The following ADAMTSL1 variants were observed in gnomAD, a reference collection of about 807,000 sequenced individuals.
ADAMTSL1 encodes the protein ADAMTS-like protein 1.
ADAMTSL1 carries 126 observed loss-of-function variants against 201.8 expected under a neutral mutation model. The observed-to-expected ratio is 0.62, with a 90% CI of 0.54 to 0.72. The LOEUF is 0.72. Among genes scored for constraint, ADAMTSL1 ranks in the 30% least tolerant of loss-of-function variants. ADAMTSL1 has a pLI of 0.00. For synonymous variants in ADAMTSL1, 1,121 were observed against 903.4 expected, an observed-to-expected ratio of 1.24 and a Z score of -4.32; for missense variants, 2,679 against 2,277.8, an observed-to-expected ratio of 1.18 and a Z score of -3.59.
chr9:18,330,100 A>G (rs1834972223), intron 2 of ADAMTSL1, among the ~76,000 whole-genome samples: 1 of 152,190 alleles, frequency 6.6e-6, no homozygotes, highest in African/African-American at 2.4e-5. Flanking sequence ...TTAAATGTAA[A>G]ACATAACCCA....
At chr9:18,297,509 A>G (rs1366125928) in intron 2 of ADAMTSL1, among the ~76,000 whole-genome samples, 1 of 152,206 alleles carries the variant, frequency 6.6e-6, no homozygotes, top group Non-Finnish European at 1.5e-5. Flanking sequence ...GCCCCAAGGC[A>G]TCATGAACTG....
chr9:18,010,281 A>G (rs1392584489), intron 1 of ADAMTSL1, among the ~76,000 whole-genome samples: 1 of 152,052 alleles, frequency 6.6e-6, no homozygotes, highest in Admixed American at 6.6e-5. Context: ...AAAACTTAGC[A>G]AACAATAACA....
intron 1 of ADAMTSL1, among the ~76,000 whole-genome samples, chr9:18,490,120 A>G (rs1468833758): frequency 6.6e-6 from 1 of 152,212 alleles, no homozygotes; most frequent in Non-Finnish European, 1.5e-5. Context: ...TCTTATGTTC[A>G]GCTGTTTTAC....
At chr9:18,592,655 T>C (rs909998178) in intron 4 of ADAMTSL1, among the ~76,000 whole-genome samples, 2 of 152,220 alleles carry the variant, frequency 1.3e-5, no homozygotes, top group African/African-American at 4.8e-5. Flanking sequence ...TCAGATAATG[T>C]GATTCCTCAG....
intron 1 of ADAMTSL1, among the ~76,000 whole-genome samples, chr9:17,945,824 G>A (rs1588458264): frequency 9.2e-6 from 1 of 108,136 alleles, no homozygotes; most frequent in East Asian, 3.4e-4. Context: ...TGTGGGGTGG[G>A]GGGAGGGGGG....
At chr9:18,024,276 T>C (rs990159128) in intron 1 of ADAMTSL1, among the ~76,000 whole-genome samples, 4 of 152,146 alleles carry the variant, frequency 2.6e-5, no homozygotes, top group African/African-American at 9.7e-5. Flanking sequence ...TTGCAACTTT[T>C]ATTTTAGCTT....
intron 20 of ADAMTSL1, among the ~76,000 whole-genome samples, chr9:18,815,048 CA>C (rs1167429624): frequency 6.6e-6 from 1 of 151,946 alleles, no homozygotes; most frequent in East Asian, 1.9e-4. Flanking sequence ...ATCAAAAAGA[CA>C]AAAAATAGCA....
Position 18,385,144 on chromosome 9 carries a change from T to A in ADAMTSL1, c.208-119685T>A, listed in dbSNP as rs373952853. On this transcript the variant is annotated intron_variant, in intron 2 of 29. Transcript: ENST00000680146. ...ATGGGCAGAGGCATTTAAATGATGC[T>A]ATTGTGGAGAGTCTGGGCTATTTTT... 5.8e-4 allele frequency among the ~76,000 whole-genome samples: 88 copies of A among 152,330 alleles called. 2 individuals carry two copies. In the South Asian group the frequency reaches 0.017, roughly 29 times the overall value.
intron 13 of ADAMTSL1, among the ~76,000 whole-genome samples, chr9:18,691,409 G>A (rs1831205614): frequency 6.6e-6 from 1 of 152,050 alleles, no homozygotes; most frequent in African/African-American, 2.4e-5. Flanking sequence ...TAGTACTTGG[G>A]GAAAGAGATA....
chr9:17,937,939 G>A (rs977614591), intron 1 of ADAMTSL1, among the ~76,000 whole-genome samples: 1 of 152,148 alleles, frequency 6.6e-6, no homozygotes, highest in Non-Finnish European at 1.5e-5. Context: ...AGAAGTATGA[G>A]GAGGGGGGAA....
intron 2 of ADAMTSL1, among the ~76,000 whole-genome samples, chr9:18,294,613 G>A (rs941713973): frequency 2.0e-5 from 3 of 152,198 alleles, no homozygotes; most frequent in Non-Finnish European, 4.4e-5. Flanking sequence ...CTTGAACTGA[G>A]TGGGAAGGGA....
intron 13 of ADAMTSL1, among the ~76,000 whole-genome samples, chr9:18,705,950 A>G (rs1564166066): frequency 6.6e-6 from 1 of 152,202 alleles, no homozygotes; most frequent in Non-Finnish European, 1.5e-5. Context: ...GTGGGACCTC[A>G]TGGGTTCTTG....
intron 14 of ADAMTSL1, chr9:18,717,924 G>T: frequency 1.6e-6 from 2 of 1,223,162 alleles, no homozygotes; most frequent in Non-Finnish European, 2.4e-6. Flanking sequence ...CTATTGAATT[G>T]GACAACAGTT....
rs1312643093 is a variant in ADAMTSL1 at position 18,291,743 on chromosome 9, TCTCTCA to T, written c.207+127764_207+127769del. 7.6e-3 allele frequency among the ~76,000 whole-genome samples: 875 copies of T among 114,538 alleles called. 2 individuals carry two copies. Among genetic ancestry groups the T allele is most frequent in the Middle Eastern group, 0.04 (10 of 250 alleles). The allele number at this position is 114,538 out of a possible 152,430, so 75.1% of individuals were successfully genotyped here. A position where few individuals can be genotyped will look rare whatever the true frequency, so the allele number is the denominator to read the frequency against. ...CTCTCTCTCTCTCTCTCTCTCTCTC[TCTCTCA>T]CACACACACACACACACACACACAC... On this transcript the variant is annotated intron_variant, in intron 2 of 29. Coordinates refer to the ADAMTSL1 transcript ENST00000680146.
At chr9:18,524,300 G>A (rs1818894516) in intron 2 of ADAMTSL1, among the ~76,000 whole-genome samples, 1 of 152,206 alleles carries the variant, frequency 6.6e-6, no homozygotes, top group Admixed American at 6.5e-5. Context: ...TGTATCCTGA[G>A]ACTTTGCTGA....
chr9:18,579,633 G>A (rs1822970796), intron 4 of ADAMTSL1, among the ~76,000 whole-genome samples: 3 of 151,780 alleles, frequency 2.0e-5, no homozygotes, highest in African/African-American at 7.3e-5. Flanking sequence ...ATTTAATATG[G>A]GTACACATAC....
In ADAMTSL1 at chr9:18,141,707, G is replaced by C. The variant is rs183497631; in HGVS notation, c.88-22155G>C. On this transcript the variant is annotated intron_variant, in intron 1 of 29. Transcript: ENST00000680146. The stretch of plus-strand genomic sequence containing the variant: ...GACCATTCGATTATTGGGATTAATG[G>C]TATATTCCTCACAGCATCTCCTGTG... Among the ~76,000 whole-genome samples, 11 of 152,222 alleles carry C rather than the reference G, an allele frequency of 7.2e-5. No homozygotes were observed. In the East Asian group the frequency reaches 2.1e-3, roughly 30 times the overall value.
chr9:17,926,435 C>G (rs1826534345), intron 1 of ADAMTSL1, among the ~76,000 whole-genome samples: 1 of 151,634 alleles, frequency 6.6e-6, no homozygotes, highest in African/African-American at 2.4e-5. Flanking sequence ...GAACGCTTGG[C>G]TCACTGGGCG....
chr9:18,258,686 G>T (rs970005584), intron 2 of ADAMTSL1, among the ~76,000 whole-genome samples: 2 of 152,150 alleles, frequency 1.3e-5, no homozygotes, highest in African/African-American at 4.8e-5. Context: ...GGCTCCTGGA[G>T]TCTTCCAGTA....
Sources: allele counts gnomAD v4.1 joint callset (sites outside exome capture counted in the v4.1 genomes callset), GRCh38; gene constraint gnomAD v4.1.1; transcripts MANE v1.5; gene names NCBI Gene and HGNC (gene_info 2026-07-23, HGNC 2026-07-21).